Variants in ALDH1A1 observed in about 807,000 individuals in gnomAD.
The protein encoded by ALDH1A1 is aldehyde dehydrogenase 1 family member A1, also known as aldehyde dehydrogenase 1A1.
Under a neutral mutation model 62.1 loss-of-function variants are expected in ALDH1A1, and 19 were observed. The ratio of observed to expected loss-of-function variants is 0.31; its 90% CI spans 0.21 to 0.45. The LOEUF (loss-of-function observed/expected upper bound fraction) is 0.45, where lower values mean the gene tolerates loss of function less well. Among genes scored for constraint, ALDH1A1 ranks in the 20% least tolerant of loss-of-function variants. The pLI is 1.00. For missense variants in ALDH1A1, 521 were observed against 607.1 expected, an observed-to-expected ratio of 0.86 and a Z score of 1.49; for synonymous variants, 231 against 215.9, an observed-to-expected ratio of 1.07 and a Z score of -0.61.
chr9:72,930,860 C>T lies in ALDH1A1; in HGVS notation c.312+19G>A. ...CTTTTGAGAGCTCTAGCTACCCATCCAGCTTGGATAATACTCACCGCCAGC... is the reference window on the plus strand; with the variant it reads ...CTTTTGAGAGCTCTAGCTACCCATCTAGCTTGGATAATACTCACCGCCAGC... On this transcript the variant is annotated intron_variant, in intron 3 of 12. Transcript: ENST00000297785. The T allele has an allele frequency of 6.2e-7, 1 of 1,613,484 alleles. No homozygotes were observed. Among genetic ancestry groups the T allele is most frequent in the Non-Finnish European group, 8.5e-7 (1 of 1,179,728 alleles).
At chr9:72,913,311 T>A (rs1390821791) in intron 9 of ALDH1A1, among the ~76,000 whole-genome samples, 1 of 152,166 alleles carries the variant, frequency 6.6e-6, no homozygotes. Flanking sequence ...AGTGCAATAT[T>A]TAATATAATA....
At chr9:72,905,604 T>G (rs1338593059) in intron 12 of ALDH1A1, among the ~76,000 whole-genome samples, 5 of 152,158 alleles carry the variant, frequency 3.3e-5, no homozygotes, top group African/African-American at 1.2e-4. Flanking sequence ...GCACCTTTCT[T>G]GCAATCACCA....
At chr9:72,926,746 T>C (rs1364997734) in intron 5 of ALDH1A1, among the ~76,000 whole-genome samples, 1 of 152,238 alleles carries the variant, frequency 6.6e-6, no homozygotes, top group Non-Finnish European at 1.5e-5. Flanking sequence ...CCCACTACAT[T>C]CCACCAAAAT....
At chr9:72,944,875 A>G (rs1490106474) in intron 1 of ALDH1A1, among the ~76,000 whole-genome samples, 1 of 152,120 alleles carries the variant, frequency 6.6e-6, no homozygotes, top group Admixed American at 6.6e-5. Flanking sequence ...ATTGGAAATT[A>G]TAAATGCCTA....
intron 1 of ALDH1A1, among the ~76,000 whole-genome samples, chr9:72,944,006 A>C (rs757248453): frequency 6.6e-6 from 1 of 152,122 alleles, no homozygotes; most frequent in African/African-American, 2.4e-5. Context: ...CACAGTAAAC[A>C]GAGCAGCTCC....
chr9:72,934,960 A>T (rs1830330790), intron 2 of ALDH1A1, among the ~76,000 whole-genome samples: 1 of 152,100 alleles, frequency 6.6e-6, no homozygotes, highest in Admixed American at 6.6e-5. Flanking sequence ...TGTTTTGTAA[A>T]CTGTAATATT....
intron 12 of ALDH1A1, 55 bp downstream of exon 12, chr9:72,905,903 A>G: frequency 7.1e-7 from 1 of 1,413,332 alleles, no homozygotes; most frequent in South Asian, 1.3e-5. Context: ...TTCCCTGGGA[A>G]TGAAAATCAT....
intron 7 of ALDH1A1, 122 bp from the exon 8 acceptor site, chr9:72,918,944 A>G: frequency 1.5e-6 from 1 of 664,772 alleles, no homozygotes; most frequent in Non-Finnish European, 2.5e-6. Context: ...GAAACACCAA[A>G]TGGCTTTTTT....
In ALDH1A1 at chr9:72,940,183, CA is replaced by C; in HGVS notation, c.135del (p.Glu46ArgfsTer7). 6.2e-7 allele frequency: 1 copy of C among 1,613,646 alleles called. No individual in the cohort carries two copies. Among genetic ancestry groups the C allele is most frequent in the Non-Finnish European group, 8.5e-7 (1 of 1,179,688 alleles). On this transcript the variant is annotated frameshift_variant, in exon 2 of 13. Coordinates refer to ENST00000297785, the MANE Select transcript of ALDH1A1 (RefSeq NM_000689.5). LOFTEE classifies it high-confidence loss of function. ...GKKFPVFNPATEEELCQVEEG... is the reference protein window; with the variant it reads ...GKKFPVFNPAXEEELCQVEEG... ...TCTTCTACCTGGCAGAGCTCCTCCT[CA>C]GTTGCAGGATTAAAGACAGGAAATT...
intron 7 of ALDH1A1, among the ~76,000 whole-genome samples, chr9:72,919,548 C>A (rs181944641): frequency 2.0e-5 from 3 of 152,348 alleles, no homozygotes; most frequent in Admixed American, 2.0e-4. Context: ...AAGTCTCCTT[C>A]AGAGTCTGAT....
chr9:72,915,576 C>T (rs1830052194), intron 9 of ALDH1A1, among the ~76,000 whole-genome samples: 2 of 152,160 alleles, frequency 1.3e-5, no homozygotes, highest in African/African-American at 2.4e-5. Flanking sequence ...TTTAAGTACT[C>T]ATTAAACTCA....
At chr9:72,943,242 G>A (rs991088532) in intron 1 of ALDH1A1, among the ~76,000 whole-genome samples, 10 of 152,192 alleles carry the variant, frequency 6.6e-5, no homozygotes, top group South Asian at 2.1e-4. Context: ...GCCTGTGGTC[G>A]GACTTTCTAG....
intron 12 of ALDH1A1, among the ~76,000 whole-genome samples, chr9:72,902,902 G>A (rs1049408665): frequency 6.6e-6 from 1 of 151,776 alleles, no homozygotes; most frequent in East Asian, 1.9e-4. Context: ...TGAAGCCTGA[G>A]TTGGCATTGG....
At position 72,916,969 on chromosome 9, in the gene ALDH1A1, T is replaced by C. The variant is rs764950451; in HGVS notation, c.986A>G (p.Lys329Arg). 1.2e-6 allele frequency: 2 copies of C among 1,613,776 alleles called. No individual in the cohort carries two copies. Among genetic ancestry groups the C allele is most frequent in the Non-Finnish European group, 1.7e-6 (2 of 1,179,820 alleles). ...GGTCAGAGGATTTCCAAGGATATAC[T>C]TCTTAGCCCGCTCAACACTCCTTCG... Reference protein sequence around the residue: ...FVRRSVERAKKYILGNPLTPG... With the variant: ...FVRRSVERAKRYILGNPLTPG... Residue 329 changes from lysine to arginine, a missense_variant, in exon 9 of 13, where the codon AAG becomes AGG. Coordinates refer to ENST00000297785, the MANE Select transcript of ALDH1A1 (RefSeq NM_000689.5).
intron 8 of ALDH1A1, 54 bp from the exon 9 acceptor site, chr9:72,917,158 A>G (rs999615069): frequency 4.0e-6 from 5 of 1,261,470 alleles, no homozygotes; most frequent in Non-Finnish European, 5.0e-6. Context: ...TATATATTTT[A>G]TATGTTTCTC....
intron 1 of ALDH1A1, among the ~76,000 whole-genome samples, chr9:72,948,583 A>G (rs1830501527): frequency 6.6e-6 from 1 of 151,826 alleles, no homozygotes; most frequent in Non-Finnish European, 1.5e-5. Context: ...TACATCCCTC[A>G]GGCTTACCTT....
At chr9:72,924,265 C>G in intron 6 of ALDH1A1, 133 bp from the exon 7 acceptor site, 1 of 595,110 alleles carries the variant, frequency 1.7e-6, no homozygotes, top group Non-Finnish European at 2.9e-6. Flanking sequence ...CCAACTGGCT[C>G]TATTCTTTAG....
At chr9:72,933,046 A>T (rs1007854666) in intron 2 of ALDH1A1, among the ~76,000 whole-genome samples, 6 of 152,226 alleles carry the variant, frequency 3.9e-5, no homozygotes, top group Non-Finnish European at 7.3e-5. Flanking sequence ...TCTTATGATT[A>T]TGTCCTTTGG....
At chr9:72,914,973 G>T (rs369517720) in intron 9 of ALDH1A1, among the ~76,000 whole-genome samples, 1 of 152,032 alleles carries the variant, frequency 6.6e-6, no homozygotes, top group Non-Finnish European at 1.5e-5. Context: ...TCCCCTTTGC[G>T]TAAGTTTTTT....
Sources: gnomAD v4.1 joint callset for allele counts (sites outside exome capture counted in the v4.1 genomes callset) on GRCh38, gnomAD v4.1.1 for gene constraint, MANE v1.5 for transcripts, NCBI Gene and HGNC (gene_info 2026-07-23, HGNC 2026-07-21) for gene names.